CSN1S1: variants seen among roughly 807,000 people sequenced by gnomAD.
The protein encoded by CSN1S1 is alpha-S1-casein.
Under a neutral mutation model 49.1 loss-of-function variants are expected in CSN1S1, and 63 were observed. The observed-to-expected ratio is 1.28, with a 90% CI of 1.05 to 1.58. The LOEUF (loss-of-function observed/expected upper bound fraction) is 1.58, where lower values mean the gene tolerates loss of function less well. Ranked by LOEUF, CSN1S1 falls within the 40% of genes most tolerant of loss-of-function variation. CSN1S1 has a pLI of 0.00. For missense variants in CSN1S1, 260 were observed against 224.7 expected, an observed-to-expected ratio of 1.16 and a Z score of -1.01; for synonymous variants, 78 against 67.1, an observed-to-expected ratio of 1.16 and a Z score of -0.79.
At chr4:69,940,150 C>T (rs1003718816) in intron 11 of CSN1S1, 106 bp downstream of exon 11, 14 of 461,598 alleles carry the variant, frequency 3.0e-5, no homozygotes, top group African/African-American at 6.5e-5. Flanking sequence ...CACACACACA[C>T]GGGAAAACAT....
intron 1 of CSN1S1, among the ~76,000 whole-genome samples, chr4:69,931,671 T>C (rs1012690405): frequency 6.7e-6 from 1 of 149,028 alleles, no homozygotes; most frequent in Non-Finnish European, 1.5e-5. Context: ...AAAATATGCC[T>C]TTTTTATTAA....
In CSN1S1 at chr4:69,939,210, T is replaced by A. The variant is rs1352096167; in HGVS notation, c.276+2T>A. The A allele has an allele frequency of 6.3e-7, 1 of 1,592,320 alleles. No homozygotes were observed. The highest frequency in any genetic ancestry group is 8.6e-7 in the Non-Finnish European group (1 of 1,164,378). On this transcript the variant is annotated splice_donor_variant, in intron 10 of 15. Coordinates refer to ENST00000246891, the MANE Select transcript of CSN1S1 (RefSeq NM_001890.2). LOFTEE classifies it high-confidence loss of function. ...TCCAGCATCAGTTCATCGAGTGAGG[T>A]AAATAATTTTGATATTAATTCTGTG...
At chr4:69,933,072 C>G (rs949579433) in intron 2 of CSN1S1, among the ~76,000 whole-genome samples, 1 of 151,652 alleles carries the variant, frequency 6.6e-6, no homozygotes, top group African/African-American at 2.4e-5. Context: ...TTTGAGATGG[C>G]TTGTGTCAAC....
chr4:69,940,637 A>G (rs946885142), intron 11 of CSN1S1, among the ~76,000 whole-genome samples: 1 of 151,854 alleles, frequency 6.6e-6, no homozygotes, highest in Admixed American at 6.6e-5. Context: ...AATGTTGGAT[A>G]GCATTTGAAA....
At chr4:69,939,357 C>T in intron 10 of CSN1S1, 149 bp downstream of exon 10, 1 of 437,606 alleles carries the variant, frequency 2.3e-6, no homozygotes, top group East Asian at 3.5e-5. Context: ...GAGTAGCTAT[C>T]CAAAAGAAGT....
chr4:69,942,572 C>T lies in CSN1S1; in HGVS notation c.397C>T (p.Gln133Ter). The T allele has an allele frequency of 1.3e-6, 2 of 1,584,698 alleles. No individual in the cohort carries two copies. The highest frequency in any genetic ancestry group is 1.7e-6 in the Non-Finnish European group (2 of 1,163,536). Residue 133 changes from glutamine to a stop codon, truncating the protein, a stop_gained, in exon 14 of 16, where the codon CAA (glutamine) becomes TAA (stop). Coordinates refer to ENST00000246891, the MANE Select transcript of CSN1S1 (RefSeq NM_001890.2). LOFTEE classifies it high-confidence loss of function. ...IRRMNENSHV[Q>*]VPFQQLNQLA... is the part of the protein sequence containing the mutation. ...CAGAATGAATGAAAACAGCCATGTCCAAGTGGTAATATTTTGCTTAATATA... is the reference window on the plus strand; with the variant it reads ...CAGAATGAATGAAAACAGCCATGTCTAAGTGGTAATATTTTGCTTAATATA...
rs1723163355 is a variant in CSN1S1, at chr4:69,946,233, C to T, written c.*37C>T. ...ATTTCATTCTCTGAATTTCTCCTCTCAAGGAAAACCATCTTATCTGAAGAC... is the reference window on the plus strand; with the variant it reads ...ATTTCATTCTCTGAATTTCTCCTCTTAAGGAAAACCATCTTATCTGAAGAC... On this transcript the variant is annotated 3_prime_UTR_variant, in exon 16 of 16. Coordinates refer to ENST00000246891, the MANE Select transcript of CSN1S1 (RefSeq NM_001890.2). The T allele has an allele frequency of 1.9e-6, 1 of 515,250 alleles. No homozygotes were observed. Among genetic ancestry groups the T allele is most frequent in the African/African-American group, 2.0e-5 (1 of 50,948 alleles). 31.9% of individuals were successfully genotyped at this position (515,250 alleles called of 1,614,324 possible). A position where few individuals can be genotyped will look rare whatever the true frequency, so the allele number is the denominator to read the frequency against.
intron 12 of CSN1S1, 53 bp downstream of exon 12, chr4:69,941,113 CAT>C (rs1321117584): frequency 4.8e-6 from 4 of 826,868 alleles, no homozygotes; most frequent in Non-Finnish European, 5.3e-6. Flanking sequence ...AGAATTAAAA[CAT>C]ATTAAATTTT....
In CSN1S1 at chr4:69,932,619, G is replaced by C. The variant is rs976117623; in HGVS notation, c.51+13G>C. The C allele has an allele frequency of 1.2e-5, 19 of 1,585,504 alleles. No individual in the cohort carries two copies. In the Admixed American group the frequency reaches 2.8e-4, roughly 23 times the overall value. ...TCTTGCCAGGCCTGTAAGTTCAGTA[G>C]AGAATTTAGAAAGTCTTAGACTCTT... On this transcript the variant is annotated intron_variant, in intron 2 of 15. Coordinates refer to ENST00000246891, the MANE Select transcript of CSN1S1 (RefSeq NM_001890.2).
intron 12 of CSN1S1, among the ~76,000 whole-genome samples, chr4:69,941,740 G>A (rs1722972236): frequency 1.3e-5 from 2 of 151,752 alleles, no homozygotes; most frequent in South Asian, 2.1e-4. Context: ...CCATTTTCAG[G>A]TAACTTGTGT....
At chr4:69,937,209 A>G in intron 8 of CSN1S1, 65 bp downstream of exon 8, 1 of 1,116,750 alleles carries the variant, frequency 9.0e-7, no homozygotes. Flanking sequence ...ATATTTCCCC[A>G]AATAAATTAT....
At chr4:69,931,351 AACTAAAATAT>A (rs1722601031) in intron 1 of CSN1S1, among the ~76,000 whole-genome samples, 1 of 152,022 alleles carries the variant, frequency 6.6e-6, no homozygotes, top group Non-Finnish European at 1.5e-5. Context: ...ATAATTTTGT[AACTAAAATAT>A]ATTTTTAAAG....
chr4:69,939,970 GTAAAT>G (rs1722920865), intron 10 of CSN1S1, 46 bp from the exon 11 acceptor site: 1 of 1,062,764 alleles, frequency 9.4e-7, no homozygotes, highest in African/African-American at 1.7e-5. Flanking sequence ...AACTTTAAAT[GTAAAT>G]TAATGTCGTG....
chr4:69,939,345 G>A, intron 10 of CSN1S1, 137 bp downstream of exon 10: 2 of 464,080 alleles, frequency 4.3e-6, no homozygotes, highest in Admixed American at 7.7e-5. Context: ...GTTTTAGTAT[G>A]TGAGTAGCTA....
chr4:69,940,378 A>G (rs1722935875), intron 11 of CSN1S1, among the ~76,000 whole-genome samples: 1 of 151,686 alleles, frequency 6.6e-6, no homozygotes, highest in African/African-American at 2.4e-5. Flanking sequence ...TCTAATTCAC[A>G]GTTTTAGTTG....
intron 3 of CSN1S1, 77 bp downstream of exon 3, chr4:69,934,321 T>G (rs1722703147): frequency 7.3e-7 from 1 of 1,362,974 alleles, no homozygotes; most frequent in Non-Finnish European, 1.0e-6. Flanking sequence ...TTCCCTTCTC[T>G]ATGAAACAGC....
At chr4:69,937,091 T>C (rs1413448249) in intron 7 of CSN1S1, 30 bp from the exon 8 acceptor site, 22 of 1,528,160 alleles carry the variant, frequency 1.4e-5, no homozygotes, top group Non-Finnish European at 1.9e-5. Flanking sequence ...TAACAATCTG[T>C]CATACCTAAC....
intron 15 of CSN1S1, among the ~76,000 whole-genome samples, chr4:69,945,736 T>C (rs1723140263): frequency 6.6e-6 from 1 of 151,976 alleles, no homozygotes; most frequent in Non-Finnish European, 1.5e-5. Context: ...TATGGTCAAA[T>C]AGACATCCTT....
In CSN1S1 at chr4:69,942,546, G is replaced by A. The variant is rs376905625; in HGVS notation, c.371G>A (p.Arg124His). The A allele has an allele frequency of 1.8e-5, 28 of 1,586,880 alleles. No individual in the cohort carries two copies. Among genetic ancestry groups the A allele is most frequent in the Middle Eastern group, 1.7e-4 (1 of 5,720 alleles). The change falls in exon 14 of 16, where the codon CGC (arginine) becomes CAC (histidine). Residue 124 changes from arginine to histidine, a missense_variant. Transcript: ENST00000246891. ...TTTCCTTTTATGCAGGAGCAAATTC[G>A]CAGAATGAATGAAAACAGCCATGTC... ...LQAAHAQEQI[R>H]RMNENSHVQV...
Sources: gnomAD v4.1 joint callset for allele counts (sites outside exome capture counted in the v4.1 genomes callset) on GRCh38, gnomAD v4.1.1 for gene constraint, MANE v1.5 for transcripts, NCBI Gene and HGNC (gene_info 2026-07-23, HGNC 2026-07-21) for gene names.